Variants in RNF144B observed in about 807,000 individuals in gnomAD.
RNF144B encodes the protein ring finger protein 144B.
RNF144B carries 25 observed loss-of-function variants against 40.2 expected under a neutral mutation model. That is an observed-to-expected ratio of 0.62 (90% CI 0.45 to 0.87). The LOEUF (loss-of-function observed/expected upper bound fraction) is 0.87, where lower values mean the gene tolerates loss of function less well. RNF144B is among the 40% of genes least tolerant of loss of function. The pLI is 0.00. For synonymous variants in RNF144B, 145 were observed against 136.3 expected (o/e 1.06, Z -0.44); for missense variants, 365 against 373.7 (o/e 0.98, Z 0.19).
At chr6:18,394,434 C>T (rs1323465127) in intron 1 of RNF144B, among the ~76,000 whole-genome samples, 1 of 152,032 alleles carries the variant, frequency 6.6e-6, no homozygotes, top group Non-Finnish European at 1.5e-5. Flanking sequence ...CTCGTCTCTA[C>T]TAAAAATACA....
chr6:18,394,898 T>A (rs114088519), intron 1 of RNF144B, among the ~76,000 whole-genome samples: 3,155 of 152,252 alleles, frequency 0.021, 54 homozygotes, highest in Middle Eastern at 0.037. Flanking sequence ...TAGTGCAAAC[T>A]CAGACGTTTC....
At chr6:18,438,874 C>A (rs1230650673) in intron 3 of RNF144B, among the ~76,000 whole-genome samples, 1 of 151,862 alleles carries the variant, frequency 6.6e-6, no homozygotes, top group Admixed American at 6.6e-5. Context: ...ATGAGAAAAT[C>A]TTTATTTTCT....
rs1325937943 is a variant in RNF144B at position 18,468,487 on chromosome 6, A to G, written c.*3420A>G. ...TACTTATCCAGGTTTGCAAATGTAC[A>G]TGTTCATTTGAATGTAAATCACCAT... On this transcript the variant is annotated 3_prime_UTR_variant, in exon 8 of 8. Transcript: ENST00000259939. 7 of 152,204 alleles carry G rather than the reference A, an allele frequency of 4.6e-5. No individual in the cohort carries two copies. The highest frequency in any genetic ancestry group is 2.0e-4 in the Admixed American group (3 of 15,288). 9.4% of individuals were successfully genotyped at this position (152,204 alleles called of 1,614,324 possible).
chr6:18,454,461 T>C (rs1340168350), intron 4 of RNF144B, among the ~76,000 whole-genome samples: 2 of 152,244 alleles, frequency 1.3e-5, no homozygotes, highest in Non-Finnish European at 2.9e-5. Context: ...CCACTAATGC[T>C]CTTAGTTAAG....
chr6:18,435,977 C>T lies in RNF144B; in HGVS notation c.271-3707C>T, dbSNP rs1011370436. ...ACATGGCACATGTATACATATGTAA[C>T]AAACCTGCACGTTGTGCACATGTAC... On this transcript the variant is annotated intron_variant, in intron 3 of 7. Transcript: ENST00000259939. Among the ~76,000 whole-genome samples the T allele has an allele frequency of 3.3e-5, 5 of 151,306 alleles. No homozygotes were observed. In the South Asian group the frequency reaches 1.0e-3, roughly 32 times the overall value.
intron 2 of RNF144B, 149 bp from the exon 3 acceptor site, chr6:18,427,432 A>G: frequency 3.7e-6 from 2 of 538,244 alleles, no homozygotes; most frequent in South Asian, 2.8e-5. Flanking sequence ...GATGGCTCTT[A>G]GTATTCACAC....
At position 18,425,920 on chromosome 6, in the gene RNF144B, A is replaced by T. The variant is rs1333127015; in HGVS notation, c.166-1661A>T. Reference sequence around the variant, plus strand: ...TCCTTGGAGAAAAAAACTGTTAACTATTTGAAGAGATACAAGTCTGGTTTA... The same window carrying T: ...TCCTTGGAGAAAAAAACTGTTAACTTTTTGAAGAGATACAAGTCTGGTTTA... On this transcript the variant is annotated intron_variant, in intron 2 of 7. Coordinates refer to ENST00000259939, the MANE Select transcript of RNF144B (RefSeq NM_182757.4). The surrounding 1 kb of genome is among the most constrained non-coding windows in gnomAD (Gnocchi z 4.2). Among the ~76,000 whole-genome samples, 1 of 152,214 alleles carries T rather than the reference A, an allele frequency of 6.6e-6. No homozygotes were observed. Among genetic ancestry groups the T allele is most frequent in the Non-Finnish European group, 1.5e-5 (1 of 68,026 alleles).
Position 18,441,413 on chromosome 6 carries a change from G to A in RNF144B, c.331+1669G>A, listed in dbSNP as rs1758962877. On this transcript the variant is annotated intron_variant, in intron 4 of 7. Coordinates refer to ENST00000259939, the MANE Select transcript of RNF144B (RefSeq NM_182757.4). This position sits in a 1 kb window ranked among gnomAD's most constrained non-coding sequence, Gnocchi z 4.9. Reference sequence around the variant, plus strand: ...ACCACGTCAGTCCTACTCAGTCACTGGAGCTCAGTCTATTTACAGTATTCT... The same window carrying A: ...ACCACGTCAGTCCTACTCAGTCACTAGAGCTCAGTCTATTTACAGTATTCT... 6.6e-6 allele frequency among the ~76,000 whole-genome samples: 1 copy of A among 152,082 alleles called. No homozygotes were observed. The highest frequency in any genetic ancestry group is 1.5e-5 in the Non-Finnish European group (1 of 68,018).
chr6:18,410,673 G>A lies in RNF144B; in HGVS notation c.165+10974G>A, dbSNP rs1325960673. ...CAGAGAGGCAAGCAGAGACTAGATGGAGGGCCTGGTATGCTGTGTTAAAAA... is the reference window on the plus strand; with the variant it reads ...CAGAGAGGCAAGCAGAGACTAGATGAAGGGCCTGGTATGCTGTGTTAAAAA... On this transcript the variant is annotated intron_variant, in intron 2 of 7. Transcript: ENST00000259939. This position sits in a 1 kb window ranked among gnomAD's most constrained non-coding sequence, Gnocchi z 4.6. Among the ~76,000 whole-genome samples, 1 of 151,744 alleles carries A rather than the reference G, an allele frequency of 6.6e-6. No individual in the cohort carries two copies.
intron 7 of RNF144B, 122 bp downstream of exon 7, chr6:18,463,502 G>A: frequency 1.5e-6 from 1 of 661,600 alleles, no homozygotes; most frequent in Non-Finnish European, 2.7e-6. Flanking sequence ...GGAGCTTCTG[G>A]GGAGTGTTAG....
rs1420592735 is a variant in RNF144B at position 18,444,903 on chromosome 6, C to G, written c.331+5159C>G. On this transcript the variant is annotated intron_variant, in intron 4 of 7. Coordinates refer to ENST00000259939, the MANE Select transcript of RNF144B (RefSeq NM_182757.4). The surrounding 1 kb of genome is among the most constrained non-coding windows in gnomAD (Gnocchi z 4.3). ...ATGTCTTCACATTTATGATATTACT[C>G]TAGTTTCACCTTGCTCTTTTATTTG... Among the ~76,000 whole-genome samples the G allele has an allele frequency of 6.6e-6, 1 of 152,180 alleles. No individual in the cohort carries two copies. Among genetic ancestry groups the G allele is most frequent in the Non-Finnish European group, 1.5e-5 (1 of 68,026 alleles).
In RNF144B at chr6:18,467,560, G is replaced by A. The variant is rs1269253578; in HGVS notation, c.*2493G>A. 1 of 151,848 alleles carries A rather than the reference G, an allele frequency of 6.6e-6. No individual in the cohort carries two copies. Among genetic ancestry groups the A allele is most frequent in the Non-Finnish European group, 1.5e-5 (1 of 67,982 alleles). 9.4% of individuals were successfully genotyped at this position (151,848 alleles called of 1,614,324 possible). ...TGTCAGAATCAACAAAACTAGGTTG[G>A]TTAAACATATCTCTGGTACATCAAG... On this transcript the variant is annotated 3_prime_UTR_variant, in exon 8 of 8. Coordinates refer to ENST00000259939, the MANE Select transcript of RNF144B (RefSeq NM_182757.4).
chr6:18,440,409 A>C (rs9465142), intron 4 of RNF144B, among the ~76,000 whole-genome samples: 50,033 of 151,992 alleles, frequency 0.33, 8,907 homozygotes, highest in East Asian at 0.51. Flanking sequence ...GTATCTCAGA[A>C]GTAGGAAAAA....
At chr6:18,439,888 C>T in intron 4 of RNF144B, 144 bp downstream of exon 4, 1 of 501,060 alleles carries the variant, frequency 2.0e-6, no homozygotes, top group East Asian at 2.9e-5. Flanking sequence ...GTAATTGCAA[C>T]ATAAAATTTC....
At position 18,465,046 on chromosome 6, in the gene RNF144B, G is replaced by A; in HGVS notation, c.891G>A (p.Lys297=). ...VCKSCRGKKK[K]HDPSTT Reference sequence around the variant, plus strand: ...AGTCCTGTCGGGGCAAGAAGAAAAAGCACGACCCATCCACAACCTAAAGAT... The same window carrying A: ...AGTCCTGTCGGGGCAAGAAGAAAAAACACGACCCATCCACAACCTAAAGAT... The change falls in exon 8 of 8, where the codon AAG becomes AAA. Residue 297 remains lysine (K), a synonymous_variant. Transcript: ENST00000259939. 1 of 1,613,698 alleles carries A rather than the reference G, an allele frequency of 6.2e-7. No homozygotes were observed. The highest frequency in any genetic ancestry group is 8.5e-7 in the Non-Finnish European group (1 of 1,179,880).
chr6:18,466,684 G>C lies in RNF144B; in HGVS notation c.*1617G>C, dbSNP rs992664582. On this transcript the variant is annotated 3_prime_UTR_variant, in exon 8 of 8. Transcript: ENST00000259939. ...ATTCAGGATCTATGATATTTTCTGA[G>C]GTAACTGGGTAATAGAATATCAAAT... is the stretch of plus-strand genomic sequence containing the variant. 1.3e-5 allele frequency: 2 copies of C among 152,582 alleles called. No individual in the cohort carries two copies. Among genetic ancestry groups the C allele is most frequent in the African/African-American group, 4.8e-5 (2 of 41,434 alleles). 9.5% of individuals were successfully genotyped at this position (152,582 alleles called of 1,614,324 possible).
chr6:18,427,762 C>T, intron 3 of RNF144B, 77 bp downstream of exon 3: 1 of 965,164 alleles, frequency 1.0e-6, no homozygotes, highest in Non-Finnish European at 1.6e-6. Context: ...TATGTATTTC[C>T]CTACCAGGGA....
intron 2 of RNF144B, among the ~76,000 whole-genome samples, chr6:18,409,838 A>G (rs972940021): frequency 6.8e-4 from 103 of 152,082 alleles, no homozygotes; most frequent in Non-Finnish European, 8.2e-4. Flanking sequence ...CCAAACTGTT[A>G]GGATTACAGG....
intron 2 of RNF144B, among the ~76,000 whole-genome samples, chr6:18,402,758 G>A (rs1211004609): frequency 6.6e-6 from 1 of 152,208 alleles, no homozygotes; most frequent in Non-Finnish European, 1.5e-5. Context: ...CCAGGGAAAG[G>A]AATGTGGTAG....
Sources: gnomAD v4.1 joint callset for allele counts (sites outside exome capture counted in the v4.1 genomes callset) on GRCh38, gnomAD v4.1.1 for gene constraint, Gnocchi (gnomAD v3.1) non-coding constraint, MANE v1.5 for transcripts, NCBI Gene and HGNC (gene_info 2026-07-23, HGNC 2026-07-21) for gene names.